The following MAK variants were observed in gnomAD, a reference collection of about 807,000 sequenced individuals.
MAK encodes the protein male germ cell associated kinase, also known as serine/threonine-protein kinase MAK.
A neutral mutation model predicts 82.6 loss-of-function variants in MAK; 65 were observed. The observed-to-expected ratio is 0.79, with a 90% CI of 0.64 to 0.97. MAK has a LOEUF of 0.97. MAK is among the 50% of genes least tolerant of loss of function. The pLI is 0.00. For missense variants in MAK, 703 were observed against 780.2 expected, an observed-to-expected ratio of 0.90 and a Z score of 1.18; for synonymous variants, 250 against 274.2, an observed-to-expected ratio of 0.91 and a Z score of 0.87.
At chr6:10,782,837 C>G (rs1774129157) in intron 11 of MAK, among the ~76,000 whole-genome samples, 1 of 152,162 alleles carries the variant, frequency 6.6e-6, no homozygotes, top group Non-Finnish European at 1.5e-5. Flanking sequence ...CTCGGCCTCC[C>G]AAAGTGCTGG....
At chr6:10,770,042 A>T in intron 14 of MAK, 69 bp downstream of exon 14, 1 of 1,613,088 alleles carries the variant, frequency 6.2e-7, no homozygotes, top group Non-Finnish European at 8.5e-7. Context: ...AAGTGACTGC[A>T]TAAACTTAAA....
chr6:10,795,604 C>T (rs1436765398), intron 9 of MAK, among the ~76,000 whole-genome samples: 5 of 151,348 alleles, frequency 3.3e-5, no homozygotes, highest in South Asian at 2.1e-4. Flanking sequence ...AATATCCAGG[C>T]GTGGTGGTGG....
At chr6:10,785,601 G>A (rs1251234648) in intron 10 of MAK, among the ~76,000 whole-genome samples, 1 of 152,244 alleles carries the variant, frequency 6.6e-6, no homozygotes, top group African/African-American at 2.4e-5. Context: ...AATGGGAACA[G>A]TCCCGCCATT....
intron 7 of MAK, 71 bp from the exon 8 acceptor site, chr6:10,802,130 C>A (rs1156979777): frequency 4.2e-6 from 5 of 1,196,894 alleles, no homozygotes; most frequent in African/African-American, 3.0e-5. Flanking sequence ...ATTTAAAAAA[C>A]ACAGCAGTAA....
chr6:10,812,200 AAATAAT>A (rs908555152), intron 5 of MAK, among the ~76,000 whole-genome samples: 1 of 151,984 alleles, frequency 6.6e-6, no homozygotes, highest in Non-Finnish European at 1.5e-5. Context: ...ATCCTGTCTC[AAATAAT>A]AATAATAATA....
chr6:10,790,205 G>A (rs1479175823), intron 10 of MAK, among the ~76,000 whole-genome samples: 1 of 152,142 alleles, frequency 6.6e-6, no homozygotes, highest in Non-Finnish European at 1.5e-5. Flanking sequence ...TTTTAGGAAA[G>A]AGTACCTATG....
intron 1 of MAK, among the ~76,000 whole-genome samples, chr6:10,832,307 G>GAC (rs1778870278): frequency 6.6e-6 from 1 of 152,260 alleles, no homozygotes; most frequent in Admixed American, 6.5e-5. Flanking sequence ...AAACTGAGTT[G>GAC]ACAAAGCAGT....
chr6:10,791,836 GC>G lies in MAK; in HGVS notation c.1154del (p.Gly385AlafsTer3). The G allele has an allele frequency of 6.2e-7, 1 of 1,614,070 alleles. No individual in the cohort carries two copies. The highest frequency in any genetic ancestry group is 8.5e-7 in the Non-Finnish European group (1 of 1,180,000). On this transcript the variant is annotated frameshift_variant, in exon 10 of 15. Transcript: ENST00000354489. LOFTEE classifies it high-confidence loss of function. ...IVKNMPTKPN[G>X]TLSHKSGRRR... ...TCCTACCACTTTTATGACTCAGTGT[GC>G]CATTTGGCTTCTGTGGTGGAAAATC... is the stretch of plus-strand genomic sequence containing the variant.
At position 10,802,071 on chromosome 6, in the gene MAK, A is replaced by G; in HGVS notation, c.664-12T>C. ...TCTGGCCAGTCACTCTGTTTCAGGA[A>G]TATATAAGTGCAGGTGGGGAGGGCA... On this transcript the variant is annotated splice_polypyrimidine_tract_variant and intron_variant, in intron 7 of 14. Transcript: ENST00000354489. 6.2e-7 allele frequency: 1 copy of G among 1,613,584 alleles called. No individual in the cohort carries two copies. The highest frequency in any genetic ancestry group is 8.5e-7 in the Non-Finnish European group (1 of 1,179,610).
intron 13 of MAK, among the ~76,000 whole-genome samples, chr6:10,770,785 A>T (rs1772937048): frequency 6.6e-6 from 1 of 152,172 alleles, no homozygotes; most frequent in African/African-American, 2.4e-5. Context: ...CTATTGGTGA[A>T]TGCTCAATCT....
Position 10,796,270 on chromosome 6 carries a change from C to T in MAK, c.871G>A (p.Gly291Ser), listed in dbSNP as rs200901108. The T allele has an allele frequency of 6.2e-7, 1 of 1,613,996 alleles. No homozygotes were observed. The change falls in exon 9 of 15, where the codon GGC becomes AGC. Residue 291 changes from glycine (G) to serine (S), a missense_variant. Physicochemically the swap from Gly to Ser is moderately conservative, Grantham distance 56. Coordinates refer to ENST00000354489, the MANE Select transcript of MAK (RefSeq NM_001242957.3). ...HPYFQVGQVL[G>S]PSSNHLESKQ... is the part of the protein sequence containing the mutation. Reference sequence around the variant, plus strand: ...GATTCCAGATGATTTGACGAAGGGCCTAATACCTGACCAACTTGAAAATAT... The same window carrying T: ...GATTCCAGATGATTTGACGAAGGGCTTAATACCTGACCAACTTGAAAATAT...
At position 10,784,502 on chromosome 6, in the gene MAK, A is replaced by T. The variant is rs754612195; in HGVS notation, c.1387T>A (p.Ser463Thr). Residue 463 changes from serine to threonine, a missense_variant, in exon 11 of 15, where the codon TCC becomes ACC. Coordinates refer to ENST00000354489, the MANE Select transcript of MAK (RefSeq NM_001242957.3). ...GENKSLPAVTSLKSDSELSTA... is the reference protein window; with the variant it reads ...GENKSLPAVTTLKSDSELSTA... ...GACAATTCGGAATCAGATTTTAGGG[A>T]AGTAACAGCAGGTAAGCTCTTGTTT... is the stretch of plus-strand genomic sequence containing the variant. 1 of 1,614,170 alleles carries T rather than the reference A, an allele frequency of 6.2e-7. No homozygotes were observed. The highest frequency in any genetic ancestry group is 8.5e-7 in the Non-Finnish European group (1 of 1,180,006).
Position 10,770,121 on chromosome 6 carries a change from T to C in MAK, c.1782A>G (p.Ala594=). 1.2e-6 allele frequency: 2 copies of C among 1,614,198 alleles called. No individual in the cohort carries two copies. Among genetic ancestry groups the C allele is most frequent in the Non-Finnish European group, 8.5e-7 (1 of 1,180,024 alleles). ...GQRIHLAPLN[A]TASEYTWNTK... is the part of the protein sequence containing the mutation. ...TGAAGTTGTTCCTACCTGAAGCCGT[T>C]GCATTGAGAGGTGCTAAGTGGATCC... is the stretch of plus-strand genomic sequence containing the variant. Residue 594 remains alanine, a synonymous_variant, in exon 14 of 15, where the codon GCA becomes GCG. Transcript: ENST00000354489.
chr6:10,803,178 A>T (rs1194939245), intron 7 of MAK, among the ~76,000 whole-genome samples: 1 of 152,096 alleles, frequency 6.6e-6, no homozygotes, highest in Non-Finnish European at 1.5e-5. Context: ...AAAGGCAAGC[A>T]CCTGTTTTTC....
At chr6:10,770,654 T>G (rs1391296039) in intron 13 of MAK, among the ~76,000 whole-genome samples, 1 of 152,208 alleles carries the variant, frequency 6.6e-6, no homozygotes, top group African/African-American at 2.4e-5. Context: ...TAAGTGGACC[T>G]ATTCTCGTAG....
intron 1 of MAK, among the ~76,000 whole-genome samples, chr6:10,837,641 C>A (rs940821053): frequency 1.3e-5 from 2 of 152,224 alleles, no homozygotes; most frequent in Admixed American, 1.3e-4. Flanking sequence ...ATCATTAGAA[C>A]AAATGTCTGT....
chr6:10,815,945 T>TATATATATATATATAA lies in MAK; in HGVS notation c.278+1904_278+1905insTTATATATATATATAT, dbSNP rs1171616235. On this transcript the variant is annotated intron_variant, in intron 4 of 14. Coordinates refer to ENST00000354489, the MANE Select transcript of MAK (RefSeq NM_001242957.3). ...ATATATATATATATATATATATATA[T>TATATATATATATATAA]ATGTATGTTTTCTTTTTTGTTTGAG... 1.0e-3 allele frequency among the ~76,000 whole-genome samples: 120 copies of TATATATATATATATAA among 116,822 alleles called. 13 individuals carry two copies. Among genetic ancestry groups the TATATATATATATATAA allele is most frequent in the African/African-American group, 4.1e-3 (110 of 26,582 alleles). 76.6% of individuals were successfully genotyped at this position (116,822 alleles called of 152,430 possible).
chr6:10,784,853 G>A (rs751475412), intron 10 of MAK: 11 of 563,092 alleles, frequency 2.0e-5, no homozygotes, highest in East Asian at 1.7e-4. Context: ...GTCCTGCAAC[G>A]GCTGCAGTTG....
In MAK at chr6:10,784,465, G is replaced by A; in HGVS notation, c.1424C>T (p.Thr475Ile). The change falls in exon 11 of 15, where the codon ACC becomes ATC. Residue 475 changes from threonine (T) to isoleucine (I), a missense_variant. Coordinates refer to ENST00000354489, the MANE Select transcript of MAK (RefSeq NM_001242957.3). ...TTGTTTCAAGTAGTACTGTTTAGAG[G>A]TTGGAGCAGTTGACAATTCGGAATC... is the stretch of plus-strand genomic sequence containing the variant. ...KSDSELSTAP[T>I]SKQYYLKQSR... 1.2e-6 allele frequency: 2 copies of A among 1,614,170 alleles called. No individual in the cohort carries two copies. Among genetic ancestry groups the A allele is most frequent in the Non-Finnish European group, 1.7e-6 (2 of 1,180,010 alleles).
Sources: gnomAD v4.1 joint callset for allele counts (sites outside exome capture counted in the v4.1 genomes callset) on GRCh38, gnomAD v4.1.1 for gene constraint, MANE v1.5 for transcripts, NCBI Gene and HGNC (gene_info 2026-07-23, HGNC 2026-07-21) for gene names.